SYNE1: variants seen among roughly 807,000 people sequenced by gnomAD.
SYNE1 encodes nesprin-1.
SYNE1 carries 616 observed loss-of-function variants against 1,111.0 expected under a neutral mutation model. The observed-to-expected ratio is 0.55, with a 90% confidence interval of 0.52 to 0.59. The LOEUF (loss-of-function observed/expected upper bound fraction) is 0.59. Among genes scored for constraint, SYNE1 ranks in the 20% least tolerant of loss-of-function variants. The pLI is 0.00. For synonymous variants in SYNE1, 3,855 were observed against 3,825.8 expected (o/e 1.01, Z -0.28); for missense variants, 10,006 against 10,417.0 (o/e 0.96, Z 1.72).
chr6:152,170,442 G>A (rs2064903554), intron 130 of SYNE1, among the ~76,000 whole-genome samples: 2 of 152,196 alleles, frequency 1.3e-5, no homozygotes, highest in Admixed American at 6.5e-5. Context: ...GAGGCTCAGA[G>A]AAGTTACTCA....
intron 49 of SYNE1, among the ~76,000 whole-genome samples, 166 bp downstream of exon 49, chr6:152,398,453 A>G (rs914667998): frequency 6.6e-6 from 1 of 152,236 alleles, no homozygotes. Flanking sequence ...GTTTCTCAAC[A>G]TACTTATCAT....
chr6:152,310,979 T>C, intron 87 of SYNE1, 106 bp from the exon 88 acceptor site: 2 of 1,198,036 alleles, frequency 1.7e-6, no homozygotes, highest in Non-Finnish European at 2.4e-6. Context: ...GTGTGTCCGT[T>C]ATTGTGTTTA....
intron 2 of SYNE1, among the ~76,000 whole-genome samples, chr6:152,631,375 T>C (rs1171047403): frequency 6.6e-6 from 1 of 152,068 alleles, no homozygotes; most frequent in Admixed American, 6.6e-5. Context: ...GGTGACATTG[T>C]GGAAAAGAGG....
chr6:152,340,444 G>A (rs1171348529), intron 74 of SYNE1, among the ~76,000 whole-genome samples: 1 of 152,158 alleles, frequency 6.6e-6, no homozygotes, highest in East Asian at 1.9e-4. Context: ...TTGTGGGGCT[G>A]ACTTATAGCT....
At position 152,376,449 on chromosome 6, in the gene SYNE1, T is replaced by C. The variant is rs1018521549; in HGVS notation, c.9256A>G (p.Thr3086Ala). Residue 3086 changes from threonine to alanine, a missense_variant, in exon 58 of 146, where the codon ACT (threonine) becomes GCT (alanine). Physicochemically the swap from Thr to Ala is moderately conservative, Grantham distance 58. Coordinates refer to ENST00000367255, the MANE Select transcript of SYNE1 (RefSeq NM_182961.4). ...GGTATATCAAAACACTTGGCGGTAG[T>C]GATTTTTGCATTAACCAACCACTGC... ...FQQWLVNAKI[T>A]TAKCFDIPQN... 1 of 1,614,228 alleles carries C rather than the reference T, an allele frequency of 6.2e-7. No individual in the cohort carries two copies. Among genetic ancestry groups the C allele is most frequent in the African/African-American group, 1.3e-5 (1 of 75,070 alleles).
chr6:152,570,841 G>C (rs1564913675), intron 3 of SYNE1, among the ~76,000 whole-genome samples: 1 of 152,086 alleles, frequency 6.6e-6, no homozygotes, highest in East Asian at 1.9e-4. Context: ...AGACAAACAA[G>C]CAAACAAAAA....
At chr6:152,157,841 C>T (rs1393667183) in intron 131 of SYNE1, among the ~76,000 whole-genome samples, 1 of 151,796 alleles carries the variant, frequency 6.6e-6, no homozygotes, top group Non-Finnish European at 1.5e-5. Flanking sequence ...TCACTGCAAC[C>T]TCCTGCCTGA....
At chr6:152,217,441 C>T (rs1484070381) in intron 121 of SYNE1, among the ~76,000 whole-genome samples, 5 of 150,642 alleles carry the variant, frequency 3.3e-5, no homozygotes, top group Non-Finnish European at 7.4e-5. Flanking sequence ...TTTTGATGGA[C>T]AAATTATAAT....
intron 139 of SYNE1, 82 bp downstream of exon 139, chr6:152,141,121 C>G (rs2152809612): frequency 1.3e-6 from 2 of 1,592,100 alleles, no homozygotes; most frequent in Non-Finnish European, 1.7e-6. Flanking sequence ...AGGCCAAGCC[C>G]CCTAAGTGGA....
intron 3 of SYNE1, among the ~76,000 whole-genome samples, chr6:152,613,183 A>T (rs1439525463): frequency 2.0e-5 from 3 of 152,240 alleles, no homozygotes; most frequent in Non-Finnish European, 4.4e-5. Context: ...AAGGATATTC[A>T]ATTAGGAAAA....
intron 14 of SYNE1, among the ~76,000 whole-genome samples, chr6:152,476,550 A>G (rs1191404959): frequency 1.3e-5 from 2 of 152,128 alleles, no homozygotes; most frequent in African/African-American, 4.8e-5. Context: ...CATAGCAGCC[A>G]TATCATGAAA....
chr6:152,359,390 C>T lies in SYNE1; in HGVS notation c.10368G>A (p.Met3456Ile). ...LETIEVKGAG[M>I]TEHYVTQLEL... ...CTAGCTGGGTGACATAGTGTTCTGT[C>T]ATGCCAGCCCCTTTGACTTCGATGG... Residue 3456 changes from methionine (M) to isoleucine (I), a missense_variant, in exon 65 of 146, where the codon ATG (methionine) becomes ATA (isoleucine). Around this residue, in one of 7 missense-constraint regions of SYNE1, gnomAD observed 4,955 missense variants for 5,017.2 expected, o/e 0.99. Transcript: ENST00000367255. 1 of 1,614,174 alleles carries T rather than the reference C, an allele frequency of 6.2e-7. No homozygotes were observed. The highest frequency in any genetic ancestry group is 1.1e-5 in the South Asian group (1 of 91,084).
chr6:152,264,764 C>T (rs1399252251), intron 100 of SYNE1, among the ~76,000 whole-genome samples: 2 of 152,256 alleles, frequency 1.3e-5, no homozygotes, highest in South Asian at 2.1e-4. Flanking sequence ...CACACCACTG[C>T]ACTCCAGCCT....
Sources: allele counts gnomAD v4.1 joint callset (sites outside exome capture counted in the v4.1 genomes callset), GRCh38; gene constraint gnomAD v4.1.1; regional missense constraint gnomAD v4.1.1; transcripts MANE v1.5; gene names NCBI Gene and HGNC (gene_info 2026-07-23, HGNC 2026-07-21).